MAST2: variants seen among roughly 807,000 people sequenced by gnomAD.
The protein encoded by MAST2 is microtubule-associated serine/threonine-protein kinase 2.
Under a neutral mutation model 147.4 loss-of-function variants are expected in MAST2, and 70 were observed. The ratio of observed to expected loss-of-function variants is 0.47; its 90% CI spans 0.39 to 0.58. The LOEUF is 0.58. Among genes scored for constraint, MAST2 ranks in the 20% least tolerant of loss-of-function variants. The pLI, the probability that MAST2 is intolerant of heterozygous loss-of-function variation, is 0.00. For synonymous variants in MAST2, 869 were observed against 896.8 expected (o/e 0.97, Z 0.55); for missense variants, 2,080 against 2,302.3 (o/e 0.90, Z 1.98).
intron 5 of MAST2, among the ~76,000 whole-genome samples, chr1:45,971,931 GT>G (rs1349251504): frequency 5.3e-5 from 8 of 152,074 alleles, no homozygotes; most frequent in Non-Finnish European, 1.0e-4. Flanking sequence ...TTTTAATGTT[GT>G]TTGTTACATA....
intron 4 of MAST2, among the ~76,000 whole-genome samples, chr1:45,938,175 T>G (rs956766395): frequency 6.6e-6 from 1 of 152,268 alleles, no homozygotes; most frequent in Non-Finnish European, 1.5e-5. Context: ...TGTTAGTCCA[T>G]TCACCAGTTG....
At chr1:45,879,450 G>A (rs568530748) in intron 3 of MAST2, among the ~76,000 whole-genome samples, 108 of 151,590 alleles carry the variant, frequency 7.1e-4, no homozygotes, top group Middle Eastern at 6.8e-3. Context: ...ATGGGTGCCT[G>A]TAATCCCAGC....
chr1:45,866,167 A>G (rs1370557641), intron 3 of MAST2, among the ~76,000 whole-genome samples: 1 of 152,244 alleles, frequency 6.6e-6, no homozygotes, highest in Non-Finnish European at 1.5e-5. Flanking sequence ...TAGTTATTAT[A>G]TGTACTTCTT....
chr1:46,034,994 C>G lies in MAST2; in HGVS notation c.4325C>G (p.Pro1442Arg), dbSNP rs768989525. ...LPHSELKKEL[P>R]PREVSPLEVV... ...CACTCTGAACTAAAGAAGGAACTGC[C>G]GCCCAGGGAAGTGAGCCCTCTGGAG... The change falls in exon 29 of 29, where the codon CCG (proline) becomes CGG (arginine). Residue 1442 changes from proline (P) to arginine (R), a missense_variant. Transcript: ENST00000361297. The G allele has an allele frequency of 6.2e-7, 1 of 1,614,070 alleles. No individual in the cohort carries two copies. The highest frequency in any genetic ancestry group is 8.5e-7 in the Non-Finnish European group (1 of 1,180,042).
At position 45,961,684 on chromosome 1, in the gene MAST2, A is replaced by G. The variant is rs545558880; in HGVS notation, c.592+2207A>G. Among the ~76,000 whole-genome samples, 6 of 152,334 alleles carry G rather than the reference A, an allele frequency of 3.9e-5. No individual in the cohort carries two copies. In the East Asian group the frequency reaches 7.7e-4, roughly 20 times the overall value. On this transcript the variant is annotated intron_variant, in intron 5 of 28. Coordinates refer to ENST00000361297, the MANE Select transcript of MAST2 (RefSeq NM_015112.3). ...AAAGCCCAGTTTGTGACTGTAGACT[A>G]TACTTATCCAGCTGTTGAGACAGGC...
intron 5 of MAST2, among the ~76,000 whole-genome samples, chr1:45,989,247 ATG>A (rs1557433414): frequency 6.6e-6 from 1 of 152,146 alleles, no homozygotes; most frequent in African/African-American, 2.4e-5. Context: ...CACTCCAACA[ATG>A]AGAAACCTGG....
At position 46,018,971 on chromosome 1, in the gene MAST2, C is replaced by G. The variant is rs372755300; in HGVS notation, c.1189-625C>G. On this transcript the variant is annotated intron_variant, in intron 10 of 28. Coordinates refer to ENST00000361297, the MANE Select transcript of MAST2 (RefSeq NM_015112.3). ...ATGGCTTCTTATAGTTACTATTTCA[C>G]TTATTCATTGTAATTTTCCTAAAAT... is the stretch of plus-strand genomic sequence containing the variant. Among the ~76,000 whole-genome samples, 12 of 152,322 alleles carry G rather than the reference C, an allele frequency of 7.9e-5. No homozygotes were observed. The East Asian group carries it at 1.2e-3, about 15-fold the overall frequency.
Position 46,023,433 on chromosome 1 carries a change from C to A in MAST2, c.1571+115C>A. 1 of 947,972 alleles carries A rather than the reference C, an allele frequency of 1.1e-6. No homozygotes were observed. The highest frequency in any genetic ancestry group is 2.4e-5 in the East Asian group (1 of 41,246). 58.7% of individuals were successfully genotyped at this position (947,972 alleles called of 1,614,324 possible). ...GGGCAGATGCCTCGGGGTGGACCTT[C>A]TCACTCCCAGAAGCCTCCTGGGTGG... On this transcript the variant is annotated intron_variant, in intron 14 of 28. Transcript: ENST00000361297. This position sits in a 1 kb window ranked among gnomAD's most constrained non-coding sequence, Gnocchi z 4.9.
At chr1:45,814,620 C>T (rs1246135005) in intron 1 of MAST2, among the ~76,000 whole-genome samples, 1 of 152,130 alleles carries the variant, frequency 6.6e-6, no homozygotes, top group Non-Finnish European at 1.5e-5. Context: ...AACCCCGTCA[C>T]TACTAAAAAT....
chr1:45,872,180 T>C (rs901284500), intron 3 of MAST2, among the ~76,000 whole-genome samples: 1 of 152,182 alleles, frequency 6.6e-6, no homozygotes, highest in Non-Finnish European at 1.5e-5. Flanking sequence ...GGGATCAATA[T>C]ACGTATAGTG....
At position 45,882,941 on chromosome 1, in the gene MAST2, T is replaced by C. The variant is rs1481026722; in HGVS notation, c.500+546T>C. 2.6e-5 allele frequency among the ~76,000 whole-genome samples: 4 copies of C among 152,356 alleles called. No individual in the cohort carries two copies. In the East Asian group the frequency reaches 7.7e-4, roughly 29 times the overall value. On this transcript the variant is annotated intron_variant, in intron 4 of 28. Coordinates refer to ENST00000361297, the MANE Select transcript of MAST2 (RefSeq NM_015112.3). ...CTGGATTTTAATTTCTTAAATTCTC[T>C]TGGACTGCTTTTCCTCTAGGAATTC...
At chr1:45,839,322 G>A (rs1418819497) in intron 3 of MAST2, among the ~76,000 whole-genome samples, 2 of 152,072 alleles carry the variant, frequency 1.3e-5, no homozygotes, top group African/African-American at 4.8e-5. Flanking sequence ...TAGGGATGGG[G>A]TTTCACCATG....
At chr1:45,831,780 GTTTT>G (rs57991711) in intron 3 of MAST2, among the ~76,000 whole-genome samples, 1 of 55,760 alleles carries the variant, frequency 1.8e-5, no homozygotes, top group Non-Finnish European at 3.1e-5. Context: ...AAGTTTAATA[GTTTT>G]TTTTTTTTTT....
intron 3 of MAST2, among the ~76,000 whole-genome samples, chr1:45,878,508 GTC>G (rs1646703810): frequency 6.6e-6 from 1 of 152,062 alleles, no homozygotes; most frequent in Admixed American, 6.6e-5. Flanking sequence ...AGACGAGGAT[GTC>G]TACCACTTCA....
At chr1:45,910,600 G>A (rs764745495) in intron 4 of MAST2, among the ~76,000 whole-genome samples, 2 of 152,172 alleles carry the variant, frequency 1.3e-5, no homozygotes, top group African/African-American at 4.8e-5. Context: ...GTTAGGAATA[G>A]TGAGCTAAAT....
rs181254296 is a variant in MAST2, at chr1:45,892,034, G to C, written c.500+9639G>C. Among the ~76,000 whole-genome samples, 35 of 152,274 alleles carry C rather than the reference G, an allele frequency of 2.3e-4. 1 individual carries two copies. In the East Asian group the frequency reaches 4.6e-3, roughly 20 times the overall value. ...ATACCAGGCCAGTTTTCCCAGGAAG[G>C]TTTTGTAAGTATTGGCTCCATAAAG... On this transcript the variant is annotated intron_variant, in intron 4 of 28. Coordinates refer to ENST00000361297, the MANE Select transcript of MAST2 (RefSeq NM_015112.3).
chr1:45,888,102 A>G (rs928912444), intron 4 of MAST2, among the ~76,000 whole-genome samples: 1 of 152,228 alleles, frequency 6.6e-6, no homozygotes, highest in African/African-American at 2.4e-5. Flanking sequence ...TTATCCCCAC[A>G]TTTATATCGC....
intron 1 of MAST2, among the ~76,000 whole-genome samples, chr1:45,821,254 G>A (rs1052734283): frequency 2.0e-5 from 3 of 152,044 alleles, no homozygotes; most frequent in African/African-American, 7.2e-5. Flanking sequence ...AATTCCGTAT[G>A]TCATCCTACT....
At chr1:45,866,747 CTT>C (rs5773895) in intron 3 of MAST2, among the ~76,000 whole-genome samples, 17 of 147,750 alleles carry the variant, frequency 1.2e-4, no homozygotes, top group Non-Finnish European at 1.5e-4. Flanking sequence ...ATTTTGTCTA[CTT>C]TTTTTTTTTT....
Sources: allele counts gnomAD v4.1 joint callset (sites outside exome capture counted in the v4.1 genomes callset), GRCh38; gene constraint gnomAD v4.1.1; non-coding constraint Gnocchi (gnomAD v3.1); transcripts MANE v1.5; gene names NCBI Gene and HGNC (gene_info 2026-07-23, HGNC 2026-07-21).